Variants in NOTCH1 observed in about 807,000 individuals in gnomAD.
The protein encoded by NOTCH1 is notch receptor 1.
Under a neutral mutation model 254.8 loss-of-function variants are expected in NOTCH1, and 37 were observed. The observed-to-expected ratio is 0.15, with a 90% confidence interval of 0.11 to 0.19. The LOEUF is 0.19. Ranked by LOEUF, NOTCH1 falls within the 10% of genes least tolerant of loss-of-function variation. The pLI is 1.00. For synonymous variants in NOTCH1, 1,731 were observed against 1,618.1 expected, an observed-to-expected ratio of 1.07 and a Z score of -1.68; for missense variants, 2,972 against 3,708.6, an observed-to-expected ratio of 0.80 and a Z score of 5.16.
rs747043073 is a variant in NOTCH1 at position 136,497,578 on chromosome 9, G to A, written c.6181-20C>T. 2.6e-6 allele frequency: 4 copies of A among 1,558,110 alleles called. No homozygotes were observed. Among genetic ancestry groups the A allele is most frequent in the East Asian group, 4.6e-5 (2 of 43,700 alleles). On this transcript the variant is annotated intron_variant, in intron 33 of 33. Coordinates refer to ENST00000651671, the MANE Select transcript of NOTCH1 (RefSeq NM_017617.5). ...CTCCTCCTGGGGGATGAGGGCGGGGGCCGGTGAGGGGGGCCAGGCCAGGCG... is the reference window on the plus strand; with the variant it reads ...CTCCTCCTGGGGGATGAGGGCGGGGACCGGTGAGGGGGGCCAGGCCAGGCG...
Position 136,513,224 on chromosome 9 carries a change from C to T in NOTCH1, c.2354-90G>A. The T allele has an allele frequency of 7.0e-7, 1 of 1,436,870 alleles. No individual in the cohort carries two copies. 89.0% of individuals were successfully genotyped at this position (1,436,870 alleles called of 1,614,324 possible). On this transcript the variant is annotated intron_variant, in intron 14 of 33. Transcript: ENST00000651671. The surrounding 1 kb of genome is among the most constrained non-coding windows in gnomAD (Gnocchi z 4.7). ...ACAGCAGCCCTGGGCCTGCTCCCCA[C>T]CCCAGGCCCCTCCTCATCTCCAAGA...
chr9:136,512,676 A>T (rs967584555), intron 15 of NOTCH1, among the ~76,000 whole-genome samples: 14 of 152,172 alleles, frequency 9.2e-5, no homozygotes, highest in African/African-American at 1.7e-4. Flanking sequence ...CCTGCTAAGG[A>T]TTCACCTGCA....
chr9:136,518,516 C>T, intron 6 of NOTCH1, 75 bp downstream of exon 6: 1 of 1,391,522 alleles, frequency 7.2e-7, no homozygotes, highest in Non-Finnish European at 1.0e-6. Context: ...GGGCCACAGT[C>T]CCTGGGTGAG....
intron 2 of NOTCH1, among the ~76,000 whole-genome samples, chr9:136,537,963 T>A (rs1265335429): frequency 6.6e-6 from 1 of 152,050 alleles, no homozygotes; most frequent in Non-Finnish European, 1.5e-5. Flanking sequence ...AGTGGTGGTA[T>A]GTGCCTGTAG....
chr9:136,507,845 G>C, intron 21 of NOTCH1, 110 bp downstream of exon 21: 1 of 1,126,646 alleles, frequency 8.9e-7, no homozygotes, highest in Non-Finnish European at 1.3e-6. Flanking sequence ...ACTGAACAGT[G>C]CATGGGCCTA....
chr9:136,497,592 C>T, intron 33 of NOTCH1, 34 bp from the exon 34 acceptor site: 1 of 1,522,886 alleles, frequency 6.6e-7, no homozygotes, highest in East Asian at 2.3e-5. Flanking sequence ...GTGAGGGGGG[C>T]CAGGCCAGGC....
Position 136,497,312 on chromosome 9 carries a change from T to TGGGCGAGCAGAGCGG in NOTCH1, c.6412_6426dup (p.Pro2138_Pro2142dup), listed in dbSNP as rs761159007. 1.2e-6 allele frequency: 2 copies of TGGGCGAGCAGAGCGG among 1,607,446 alleles called. No individual in the cohort carries two copies. The highest frequency in any genetic ancestry group is 4.5e-5 in the East Asian group (2 of 44,874). ...GGCTTGAGGCTGCCCAGGTAGCCGTTGGGCGAGCAGAGCGGGGGCGACAGG... is the reference window on the plus strand; with the variant it reads ...GGCTTGAGGCTGCCCAGGTAGCCGTTGGGCGAGCAGAGCGGGGGCGAGCAGAGCGGGGGCGACAGG... On this transcript the variant is annotated inframe_insertion, in exon 34 of 34. Transcript: ENST00000651671.
At chr9:136,535,181 G>C (rs1364030135) in intron 2 of NOTCH1, among the ~76,000 whole-genome samples, 1 of 151,894 alleles carries the variant, frequency 6.6e-6, no homozygotes, top group African/African-American at 2.4e-5. Context: ...CTGAGGCTGA[G>C]GGGCTGAGGA....
In NOTCH1 at chr9:136,503,280, G is replaced by A. The variant is rs552065719; in HGVS notation, c.5069C>T (p.Ser1690Leu). The A allele has an allele frequency of 8.1e-6, 13 of 1,613,006 alleles. No homozygotes were observed. The highest frequency in any genetic ancestry group is 2.2e-5 in the East Asian group (1 of 44,882). Residue 1690 changes from serine to leucine, a missense_variant, in exon 27 of 34, where the codon TCG becomes TTG. Around this residue, in one of 8 missense-constraint regions of NOTCH1, gnomAD observed 421 missense variants for 604.4 expected, o/e 0.70. Transcript: ENST00000651671. Reference protein sequence around the residue: ...IDNRQCVQASSQCFQSATDVA... With the variant: ...IDNRQCVQASLQCFQSATDVA... ...GTCGGTGGCACTCTGGAAGCACTGCGAGGAGGCCTGCACACACTGCCGGTT... is the reference window on the plus strand; with the variant it reads ...GTCGGTGGCACTCTGGAAGCACTGCAAGGAGGCCTGCACACACTGCCGGTT...
Position 136,524,072 on chromosome 9 carries a change from C to T in NOTCH1, c.141-93G>A, listed in dbSNP as rs767070605. 5.7e-4 allele frequency: 853 copies of T among 1,486,114 alleles called. 4 individuals are homozygous for T. Among genetic ancestry groups the T allele is most frequent in the Middle Eastern group, 1.3e-3 (6 of 4,568 alleles). The allele number at this position is 1,486,114 out of a possible 1,614,324, so 92.1% of individuals were successfully genotyped here. Reference sequence around the variant, plus strand: ...GGGAACCTGTCATGGGCACAGCCGCCTCCCCCCACACCCCGGGCACGGGCA... The same window carrying T: ...GGGAACCTGTCATGGGCACAGCCGCTTCCCCCCACACCCCGGGCACGGGCA... On this transcript the variant is annotated intron_variant, in intron 2 of 33. Coordinates refer to ENST00000651671, the MANE Select transcript of NOTCH1 (RefSeq NM_017617.5).
intron 12 of NOTCH1, 136 bp downstream of exon 12, chr9:136,515,154 C>T: frequency 1.3e-6 from 1 of 789,258 alleles, no homozygotes; most frequent in Non-Finnish European, 2.2e-6. Context: ...CCGCTGCAAT[C>T]TCTGCTGCAG....
rs764479625 is a variant in NOTCH1 at position 136,513,349 on chromosome 9, T to G, written c.2353+43A>C. On this transcript the variant is annotated intron_variant, in intron 14 of 33. Transcript: ENST00000651671. The surrounding 1 kb of genome is among the most constrained non-coding windows in gnomAD (Gnocchi z 4.7). ...ATCCTGTGTCTCCAGCTCCCCAGAC[T>G]CGAGGGCGGCCCTCTGCACTGAGAA... The G allele has an allele frequency of 5.6e-6, 9 of 1,611,608 alleles. No individual in the cohort carries two copies. In the South Asian group the frequency reaches 9.9e-5, roughly 18 times the overall value.
Position 136,496,650 on chromosome 9 carries a change from C to T in NOTCH1, c.7089G>A (p.Met2363Ile). ...SLAASALSQM[M>I]SYQGLPSTRL... ...GGGTGCTGGGCAGGCCCTGGTAGCT[C>T]ATCATCTGGGACAGGGCGCTGGCAG... Residue 2363 changes from methionine (M) to isoleucine (I), a missense_variant, in exon 34 of 34, where the codon ATG (methionine) becomes ATA (isoleucine). This residue lies in a region of NOTCH1 where 529 missense variants were observed against 529.2 expected (regional missense o/e 1.00). Coordinates refer to ENST00000651671, the MANE Select transcript of NOTCH1 (RefSeq NM_017617.5). 1.2e-6 allele frequency: 2 copies of T among 1,613,128 alleles called. No homozygotes were observed. The highest frequency in any genetic ancestry group is 1.7e-6 in the Non-Finnish European group (2 of 1,179,968).
intron 2 of NOTCH1, among the ~76,000 whole-genome samples, chr9:136,530,665 G>A (rs370852916): frequency 4.0e-4 from 61 of 152,324 alleles, no homozygotes; most frequent in African/African-American, 1.3e-3. Flanking sequence ...TTTCCCACGC[G>A]GATCCCCCAA....
Position 136,504,675 on chromosome 9 carries a change from G to T in NOTCH1, c.5016C>A (p.Arg1672=), listed in dbSNP as rs1251609154. 7 of 1,510,904 alleles carry T rather than the reference G, an allele frequency of 4.6e-6. No homozygotes were observed. The highest frequency in any genetic ancestry group is 1.3e-5 in the South Asian group (1 of 78,616). 93.6% of individuals were successfully genotyped at this position (1,510,904 alleles called of 1,614,324 possible). The change falls in exon 26 of 34, where the codon CGC becomes CGA. Residue 1672 remains arginine, a splice_region_variant and synonymous_variant. Coordinates refer to ENST00000651671, the MANE Select transcript of NOTCH1 (RefSeq NM_017617.5). The part of the protein sequence containing the change: ...RRRELDPMDV[R]GSIVYLEIDN... ...CGTGGGCGCCGGGTCTCACTCACCC[G>T]CGGACGTCCATGGGGTCCAGCTCCC...
At chr9:136,521,521 G>T (rs1843366176) in intron 4 of NOTCH1, among the ~76,000 whole-genome samples, 1 of 152,138 alleles carries the variant, frequency 6.6e-6, no homozygotes, top group Non-Finnish European at 1.5e-5. Context: ...GGACAAGGCC[G>T]CACACACCCC....
At chr9:136,508,722 G>T in intron 19 of NOTCH1, 148 bp downstream of exon 19, 1 of 786,764 alleles carries the variant, frequency 1.3e-6, no homozygotes, top group Non-Finnish European at 2.0e-6. Context: ...TTCACCGGCT[G>T]CTCAGATCCC....
intron 8 of NOTCH1, 126 bp from the exon 9 acceptor site, chr9:136,517,511 G>T: frequency 1.2e-6 from 1 of 825,406 alleles, no homozygotes; most frequent in Non-Finnish European, 2.0e-6. Flanking sequence ...CGGGCCCCCT[G>T]CGCACCCGCT....
At chr9:136,522,199 C>G (rs534360871) in intron 4 of NOTCH1, among the ~76,000 whole-genome samples, 22 of 152,198 alleles carry the variant, frequency 1.4e-4, no homozygotes, top group East Asian at 3.9e-4. Context: ...GGATGGTCTC[C>G]ATCTCCTGAC....
Sources: allele counts gnomAD v4.1 joint callset (sites outside exome capture counted in the v4.1 genomes callset), GRCh38; gene constraint gnomAD v4.1.1; regional missense constraint gnomAD v4.1.1; non-coding constraint Gnocchi (gnomAD v3.1); transcripts MANE v1.5; gene names NCBI Gene and HGNC (gene_info 2026-07-23, HGNC 2026-07-21).